Variants in LBH observed in about 807,000 individuals in gnomAD.
The protein encoded by LBH is protein LBH.
A neutral mutation model predicts 12.5 loss-of-function variants in LBH; 7 were observed. That is an observed-to-expected ratio of 0.56 (90% CI 0.32 to 1.05). The LOEUF is 1.05. Ranked by LOEUF, LBH falls within the 50% of genes least tolerant of loss-of-function variation. LBH has a pLI of 0.04. For missense variants in LBH, 119 were observed against 138.9 expected (o/e 0.86, Z 0.72); for synonymous variants, 51 against 50.1 (o/e 1.02, Z -0.08).
At chr2:30,257,169 T>G (rs1276280661) in intron 2 of LBH, among the ~76,000 whole-genome samples, 1 of 152,200 alleles carries the variant, frequency 6.6e-6, no homozygotes, top group Non-Finnish European at 1.5e-5. Flanking sequence ...CAGAATCACA[T>G]CAACCTTTAA....
intron 1 of LBH, chr2:30,232,568 G>GCCGGCAGCC (rs1677611689): frequency 5.2e-6 from 1 of 193,720 alleles, no homozygotes; most frequent in South Asian, 1.8e-4. Flanking sequence ...GGGGGCGAGC[G>GCCGGCAGCC]CCGGCAGCCC....
At chr2:30,249,114 C>G (rs1216231171) in intron 2 of LBH, among the ~76,000 whole-genome samples, 1 of 148,536 alleles carries the variant, frequency 6.7e-6, no homozygotes, top group East Asian at 1.9e-4. Flanking sequence ...GAATATTCTT[C>G]CTTCCCTGCA....
At chr2:30,241,199 T>C (rs1677782688) in intron 2 of LBH, among the ~76,000 whole-genome samples, 1 of 152,198 alleles carries the variant, frequency 6.6e-6, no homozygotes, top group South Asian at 2.1e-4. Context: ...CTTATCCCCA[T>C]GGACGTAGGC....
At chr2:30,234,919 G>T (rs1388050867) in intron 2 of LBH, among the ~76,000 whole-genome samples, 1 of 152,130 alleles carries the variant, frequency 6.6e-6, no homozygotes, top group East Asian at 1.9e-4. Flanking sequence ...CATTGCTGTC[G>T]GGGGCTTCTG....
chr2:30,253,900 A>G (rs1558390488), intron 2 of LBH, among the ~76,000 whole-genome samples: 1 of 152,188 alleles, frequency 6.6e-6, no homozygotes, highest in Non-Finnish European at 1.5e-5. Flanking sequence ...GAGTTATACA[A>G]TGGTGGTCAA....
chr2:30,242,995 A>G (rs143570345), intron 2 of LBH, among the ~76,000 whole-genome samples: 1 of 152,350 alleles, frequency 6.6e-6, no homozygotes, highest in African/African-American at 2.4e-5. Flanking sequence ...CAAAGAGTTT[A>G]TCAAAATATA....
intron 2 of LBH, among the ~76,000 whole-genome samples, chr2:30,234,895 T>TG (rs1456334208): frequency 6.6e-6 from 1 of 152,194 alleles, no homozygotes; most frequent in Admixed American, 6.5e-5. Context: ...CAGCCATGCC[T>TG]GGGGTAGTAG....
At chr2:30,240,691 T>G (rs973322043) in intron 2 of LBH, among the ~76,000 whole-genome samples, 1 of 152,198 alleles carries the variant, frequency 6.6e-6, no homozygotes, top group Non-Finnish European at 1.5e-5. Flanking sequence ...GCCCAAAGTT[T>G]CTCCAAACTA....
At position 30,231,573 on chromosome 2, in the gene LBH, T is replaced by A. The variant is rs1677584815; in HGVS notation, c.-166T>A. ...GGAGAGCGGGGAGTTGTGTCCACCT[T>A]GCCGACGTCGCTAGCCGTGGGGCTG... is the stretch of plus-strand genomic sequence containing the variant. On this transcript the variant is annotated 5_prime_UTR_variant, in exon 1 of 3. Transcript: ENST00000395323. The A allele has an allele frequency of 3.1e-6, 2 of 651,994 alleles. No homozygotes were observed. Among genetic ancestry groups the A allele is most frequent in the Non-Finnish European group, 5.5e-6 (2 of 362,768 alleles). The allele number at this position is 651,994 out of a possible 1,614,324, so 40.4% of individuals were successfully genotyped here.
At chr2:30,249,898 A>G (rs1677949797) in intron 2 of LBH, among the ~76,000 whole-genome samples, 1 of 152,194 alleles carries the variant, frequency 6.6e-6, no homozygotes, top group Non-Finnish European at 1.5e-5. Flanking sequence ...ATAGAGGAGT[A>G]GAGGAGGAGA....
intron 2 of LBH, chr2:30,256,520 G>GTT (rs199915739): frequency 2.6e-5 from 4 of 151,246 alleles, no homozygotes; most frequent in African/African-American, 7.3e-5. Context: ...TCCAGTTTTT[G>GTT]TTTTTTTTTA....
At chr2:30,248,353 G>A (rs569900511) in intron 2 of LBH, among the ~76,000 whole-genome samples, 2 of 152,274 alleles carry the variant, frequency 1.3e-5, no homozygotes, top group South Asian at 4.1e-4. Flanking sequence ...GTGGGGCAGG[G>A]CTGCAAGGAA....
At chr2:30,254,381 T>C (rs1274573327) in intron 2 of LBH, among the ~76,000 whole-genome samples, 2 of 152,228 alleles carry the variant, frequency 1.3e-5, no homozygotes, top group Non-Finnish European at 2.9e-5. Context: ...GGATTGCAGT[T>C]GACCGTGGGT....
At chr2:30,252,725 A>G (rs1023513676) in intron 2 of LBH, among the ~76,000 whole-genome samples, 8 of 151,936 alleles carry the variant, frequency 5.3e-5, no homozygotes, top group Non-Finnish European at 8.8e-5. Flanking sequence ...TCATAGTAGC[A>G]TGAGAATGGA....
At chr2:30,251,166 C>T (rs1677972381) in intron 2 of LBH, among the ~76,000 whole-genome samples, 1 of 151,294 alleles carries the variant, frequency 6.6e-6, no homozygotes, top group Non-Finnish European at 1.5e-5. Flanking sequence ...GCAATCCTCC[C>T]ACCTCAGCCC....
chr2:30,249,426 C>T (rs1677934425), intron 2 of LBH, among the ~76,000 whole-genome samples: 1 of 152,124 alleles, frequency 6.6e-6, no homozygotes, highest in African/African-American at 2.4e-5. Context: ...ACACACAAGG[C>T]AATTCATTGT....
intron 2 of LBH, among the ~76,000 whole-genome samples, chr2:30,236,995 G>A (rs576839458): frequency 1.8e-4 from 28 of 152,286 alleles, no homozygotes; most frequent in African/African-American, 6.0e-4. Flanking sequence ...GATATTCTCC[G>A]GGCCCACTCA....
At chr2:30,252,095 C>G (rs1240426139) in intron 2 of LBH, among the ~76,000 whole-genome samples, 1 of 152,168 alleles carries the variant, frequency 6.6e-6, no homozygotes, top group Admixed American at 6.5e-5. Flanking sequence ...CAGATCTTAT[C>G]TTGAATTGTA....
intron 2 of LBH, among the ~76,000 whole-genome samples, chr2:30,236,489 C>G (rs1201907982): frequency 6.6e-6 from 1 of 152,264 alleles, no homozygotes; most frequent in East Asian, 1.9e-4. Flanking sequence ...GTGGGGACCA[C>G]TCCCCAGTTC....
Sources: allele counts gnomAD v4.1 joint callset (sites outside exome capture counted in the v4.1 genomes callset), GRCh38; gene constraint gnomAD v4.1.1; transcripts MANE v1.5; gene names NCBI Gene and HGNC (gene_info 2026-07-23, HGNC 2026-07-21).